The following SLC25A20 variants were observed in gnomAD, a reference collection of about 807,000 sequenced individuals.
The protein encoded by SLC25A20 is solute carrier family 25 member 20, also known as mitochondrial carnitine/acylcarnitine carrier protein.
A neutral mutation model predicts 39.7 loss-of-function variants in SLC25A20; 29 were observed. That is an observed-to-expected ratio of 0.73 (90% CI 0.54 to 1.00). The LOEUF (loss-of-function observed/expected upper bound fraction) is 1.00, where lower values mean the gene tolerates loss of function less well. Among genes scored for constraint, SLC25A20 ranks in the 50% least tolerant of loss-of-function variants. The pLI is 0.00. For missense variants in SLC25A20, 333 were observed against 379.9 expected (o/e 0.88, Z 1.03); for synonymous variants, 103 against 142.2 (o/e 0.72, Z 1.96).
intron 7 of SLC25A20, 171 bp from the exon 8 acceptor site, chr3:48,858,802 G>A: frequency 3.7e-6 from 3 of 811,826 alleles, no homozygotes; most frequent in Non-Finnish European, 4.1e-6. Flanking sequence ...AATTACTTGT[G>A]CCAAGGGAAT....
In SLC25A20 at chr3:48,894,183, T is replaced by TTCTCTCTCTCTCTC. The variant is rs375593797; in HGVS notation, c.106-2125_106-2112dup. 1.0e-3 allele frequency among the ~76,000 whole-genome samples: 114 copies of TTCTCTCTCTCTCTC among 110,274 alleles called. 1 individual carries two copies. The highest frequency in any genetic ancestry group is 3.5e-3 in the Admixed American group (29 of 8,184). 72.3% of individuals were successfully genotyped at this position (110,274 alleles called of 152,430 possible). A position where few individuals can be genotyped will look rare whatever the true frequency, so the allele number is the denominator to read the frequency against. On this transcript the variant is annotated intron_variant, in intron 1 of 8. Transcript: ENST00000319017. ...CAAAAAAAAAAAAAAAAGAAGAAGATTCTCTCTCTCTCTCTCTCTCTCTCT... is the reference window on the plus strand; with the variant it reads ...CAAAAAAAAAAAAAAAAGAAGAAGATTCTCTCTCTCTCTCTCTCTCTCTCTCTCTCTCTCTCTCT...
intron 1 of SLC25A20, among the ~76,000 whole-genome samples, chr3:48,897,652 C>T (rs1404325080): frequency 6.6e-6 from 1 of 152,078 alleles, no homozygotes; most frequent in Non-Finnish European, 1.5e-5. Context: ...CAGCTCCTCT[C>T]TTGGATGAAA....
At chr3:48,860,474 G>A (rs528577175) in intron 5 of SLC25A20, among the ~76,000 whole-genome samples, 1 of 151,762 alleles carries the variant, frequency 6.6e-6, no homozygotes, top group East Asian at 1.9e-4. Flanking sequence ...GCATGGTGGT[G>A]CATGCCTGTA....
rs866830917 is a variant in SLC25A20 at position 48,872,004 on chromosome 3, T to G, written c.417+7354A>C. 4.2e-3 allele frequency among the ~76,000 whole-genome samples: 608 copies of G among 143,504 alleles called. 11 individuals are homozygous for G. Among genetic ancestry groups the G allele is most frequent in the African/African-American group, 0.015 (560 of 38,414 alleles). The allele number at this position is 143,504 out of a possible 152,430, so 94.1% of individuals were successfully genotyped here. ...CTAATTTTTTTTTTTTTTTTTTTTT[T>G]TTTTTTTAGAGATGGGGTTTTGCCG... On this transcript the variant is annotated intron_variant, in intron 4 of 8. Transcript: ENST00000319017.
At chr3:48,877,989 G>A (rs1004857072) in intron 4 of SLC25A20, among the ~76,000 whole-genome samples, 3 of 151,842 alleles carry the variant, frequency 2.0e-5, no homozygotes, top group African/African-American at 4.8e-5. Flanking sequence ...TAGTCCAGGC[G>A]CGGTGGCTTA....
chr3:48,890,004 C>T (rs1469536613), intron 2 of SLC25A20, among the ~76,000 whole-genome samples: 1 of 152,124 alleles, frequency 6.6e-6, no homozygotes, highest in South Asian at 2.1e-4. Context: ...TGGGAAGGCA[C>T]CCGTTACTTA....
At chr3:48,867,411 A>ATTTTTTTTTTTTTTTTTTTTTTTTT (rs58122933) in intron 4 of SLC25A20, among the ~76,000 whole-genome samples, 3 of 108,388 alleles carry the variant, frequency 2.8e-5, no homozygotes, top group Non-Finnish European at 5.4e-5. Context: ...TGCCTGGGTA[A>ATTTTTTTTTTTTTTTTTTTTTTTTT]TTTTTTTTTT....
intron 1 of SLC25A20, among the ~76,000 whole-genome samples, chr3:48,898,032 G>A (rs1446408210): frequency 6.6e-6 from 1 of 152,186 alleles, no homozygotes; most frequent in Non-Finnish European, 1.5e-5. Flanking sequence ...TCTGACCATA[G>A]CTTCCTCATC....
At chr3:48,890,425 G>A (rs2083864205) in intron 2 of SLC25A20, among the ~76,000 whole-genome samples, 1 of 151,928 alleles carries the variant, frequency 6.6e-6, no homozygotes, top group African/African-American at 2.4e-5. Context: ...TCCTGACCCT[G>A]TGATCCACCT....
chr3:48,893,105 A>G (rs969920486), intron 1 of SLC25A20, among the ~76,000 whole-genome samples: 3 of 151,610 alleles, frequency 2.0e-5, no homozygotes, highest in Non-Finnish European at 2.9e-5. Flanking sequence ...ATAGCTCACT[A>G]CAACCTTGAC....
At chr3:48,869,790 A>G (rs2083701127) in intron 4 of SLC25A20, among the ~76,000 whole-genome samples, 1 of 152,050 alleles carries the variant, frequency 6.6e-6, no homozygotes, top group Non-Finnish European at 1.5e-5. Flanking sequence ...CCAGCCATGC[A>G]GCAGGGTGAG....
At chr3:48,886,439 G>A (rs1024959934) in intron 2 of SLC25A20, among the ~76,000 whole-genome samples, 12 of 152,000 alleles carry the variant, frequency 7.9e-5, no homozygotes, top group Middle Eastern at 3.4e-3. Context: ...CAGGAGGATC[G>A]CTTGAACCGG....
Position 48,857,676 on chromosome 3 carries a change from AG to A in SLC25A20, c.*33del. On this transcript the variant is annotated 3_prime_UTR_variant, in exon 9 of 9. Coordinates refer to ENST00000319017, the MANE Select transcript of SLC25A20 (RefSeq NM_000387.6). ...CTCCTTCTCCTCAACGACAGCTTCC[AG>A]CATCCAGAAGTGAACTTGAGCAGCC... 6.2e-7 allele frequency: 1 copy of A among 1,605,190 alleles called. No individual in the cohort carries two copies. Among genetic ancestry groups the A allele is most frequent in the Non-Finnish European group, 8.5e-7 (1 of 1,172,634 alleles).
At chr3:48,874,340 C>A (rs1298928617) in intron 4 of SLC25A20, among the ~76,000 whole-genome samples, 2 of 152,032 alleles carry the variant, frequency 1.3e-5, no homozygotes, top group Admixed American at 1.3e-4. Context: ...GAGGAACACA[C>A]CTGTCATCCC....
intron 1 of SLC25A20, among the ~76,000 whole-genome samples, chr3:48,893,403 G>A (rs1013588916): frequency 6.6e-6 from 1 of 152,060 alleles, no homozygotes; most frequent in Non-Finnish European, 1.5e-5. Flanking sequence ...GGGTGTGGTG[G>A]CTCACATCTG....
At chr3:48,891,220 G>A (rs561018162) in intron 2 of SLC25A20, among the ~76,000 whole-genome samples, 7 of 152,266 alleles carry the variant, frequency 4.6e-5, no homozygotes, top group Admixed American at 2.0e-4. Flanking sequence ...GACTACAGGC[G>A]CATGCCACCG....
At chr3:48,875,512 C>G (rs928492496) in intron 4 of SLC25A20, among the ~76,000 whole-genome samples, 1 of 152,138 alleles carries the variant, frequency 6.6e-6, no homozygotes, top group African/African-American at 2.4e-5. Context: ...CAGGTTCAAG[C>G]AATTCTCGTG....
Position 48,884,132 on chromosome 3 carries a change from G to T in SLC25A20, c.199-8C>A. Reference sequence around the variant, plus strand: ...ATATAGCCCCGTGATGCCCTGCAAGGAATCACAGAAGCAGAAGCTGTTTAC... The same window carrying T: ...ATATAGCCCCGTGATGCCCTGCAAGTAATCACAGAAGCAGAAGCTGTTTAC... On this transcript the variant is annotated splice_region_variant and splice_polypyrimidine_tract_variant and intron_variant, in intron 2 of 8. Coordinates refer to ENST00000319017, the MANE Select transcript of SLC25A20 (RefSeq NM_000387.6). 1 of 1,613,150 alleles carries T rather than the reference G, an allele frequency of 6.2e-7. No individual in the cohort carries two copies. Among genetic ancestry groups the T allele is most frequent in the South Asian group, 1.1e-5 (1 of 91,054 alleles).
At chr3:48,889,029 G>A (rs1181817644) in intron 2 of SLC25A20, among the ~76,000 whole-genome samples, 2 of 151,862 alleles carry the variant, frequency 1.3e-5, no homozygotes, top group African/African-American at 4.8e-5. Flanking sequence ...TCAAGAGATT[G>A]CGGTGAGCCA....
Sources: gnomAD v4.1 joint callset for allele counts (sites outside exome capture counted in the v4.1 genomes callset) on GRCh38, gnomAD v4.1.1 for gene constraint, MANE v1.5 for transcripts, NCBI Gene and HGNC (gene_info 2026-07-23, HGNC 2026-07-21) for gene names.